TOLLIP: variants seen among roughly 807,000 people sequenced by gnomAD.
The protein encoded by TOLLIP is toll-interacting protein.
TOLLIP carries 16 observed loss-of-function variants against 33.5 expected under a neutral mutation model. The observed-to-expected ratio is 0.48, with a 90% CI of 0.32 to 0.72. The LOEUF is 0.72. Among genes scored for constraint, TOLLIP ranks in the 30% least tolerant of loss-of-function variants. The probability of loss-of-function intolerance (pLI) is 0.03; values close to 1 mark genes in which losing one functional copy is unlikely to be tolerated. For missense variants in TOLLIP, 325 were observed against 396.6 expected (o/e 0.82, Z 1.53); for synonymous variants, 176 against 163.7 (o/e 1.07, Z -0.57).
rs746707461 is a variant in TOLLIP at position 1,290,451 on chromosome 11, C to T, written c.184-42G>A. On this transcript the variant is annotated intron_variant, in intron 2 of 5. Coordinates refer to ENST00000317204, the MANE Select transcript of TOLLIP (RefSeq NM_019009.4). This position sits in a 1 kb window ranked among gnomAD's most constrained non-coding sequence, Gnocchi z 4.9. ...GTCAGGAAAAGGAGGTGCCAACCAT[C>T]AGGAGAGGGTGGGTTCTCTAGGCCG... 23 of 1,596,154 alleles carry T rather than the reference C, an allele frequency of 1.4e-5. No individual in the cohort carries two copies. The Middle Eastern group carries it at 5.0e-4, about 35-fold the overall frequency.
In TOLLIP at chr11:1,288,594, C is replaced by T. The variant is rs368114023; in HGVS notation, c.519+30G>A. The T allele has an allele frequency of 8.5e-4, 1,340 of 1,585,662 alleles. 2 individuals are homozygous for T. The highest frequency in any genetic ancestry group is 1.4e-3 in the Admixed American group (80 of 58,312). ...CGACGTGCTCCAACATACCCCAATG[C>T]GCCCCACCCCGCCCAGGCGTGCAGC... On this transcript the variant is annotated intron_variant, in intron 4 of 5. Coordinates refer to ENST00000317204, the MANE Select transcript of TOLLIP (RefSeq NM_019009.4).
At chr11:1,292,435 G>C (rs1015643403) in intron 2 of TOLLIP, among the ~76,000 whole-genome samples, 1 of 152,222 alleles carries the variant, frequency 6.6e-6, no homozygotes, top group Non-Finnish European at 1.5e-5. Context: ...GCCTGTCACC[G>C]ATGCCTGCTC....
intron 1 of TOLLIP, among the ~76,000 whole-genome samples, chr11:1,301,558 G>A (rs549430326): frequency 1.7e-3 from 252 of 152,196 alleles, no homozygotes; most frequent in African/African-American, 5.8e-3. Context: ...AGGCACACAC[G>A]GCCGCCAAAC....
intron 5 of TOLLIP, among the ~76,000 whole-genome samples, chr11:1,281,477 C>A (rs3793965): frequency 6.6e-6 from 1 of 151,972 alleles, no homozygotes; most frequent in Non-Finnish European, 1.5e-5. Context: ...TCAGACACCA[C>A]GGGAGGCTCT....
chr11:1,301,190 C>T (rs1864265508), intron 1 of TOLLIP, among the ~76,000 whole-genome samples: 1 of 152,232 alleles, frequency 6.6e-6, no homozygotes, highest in Non-Finnish European at 1.5e-5. Context: ...AAAAAATATC[C>T]TTAGTGAACT....
rs1863300305 is a variant in TOLLIP at position 1,276,283 on chromosome 11, G to A, written c.*756C>T. On this transcript the variant is annotated 3_prime_UTR_variant, in exon 6 of 6. Coordinates refer to ENST00000317204, the MANE Select transcript of TOLLIP (RefSeq NM_019009.4). Reference sequence around the variant, plus strand: ...GAGGACACCCACGGAGCTGGCACGAGCGCAGCAGGAGAGACGGACGGCAGC... The same window carrying A: ...GAGGACACCCACGGAGCTGGCACGAACGCAGCAGGAGAGACGGACGGCAGC... 1 of 202,322 alleles carries A rather than the reference G, an allele frequency of 4.9e-6. No individual in the cohort carries two copies. The highest frequency in any genetic ancestry group is 1.0e-5 in the Non-Finnish European group (1 of 98,254). The allele number at this position is 202,322 out of a possible 1,614,324, so 12.5% of individuals were successfully genotyped here. A position where few individuals can be genotyped will look rare whatever the true frequency, so the allele number is the denominator to read the frequency against.
chr11:1,291,973 T>C (rs1353720178), intron 2 of TOLLIP: 1 of 152,522 alleles, frequency 6.6e-6, no homozygotes, highest in Non-Finnish European at 1.5e-5. Context: ...CTTGTCCACA[T>C]ACAAGTTCCC....
intron 4 of TOLLIP, 128 bp from the exon 5 acceptor site, chr11:1,286,220 A>C: frequency 1.5e-6 from 1 of 688,918 alleles, no homozygotes; most frequent in Non-Finnish European, 2.5e-6. Context: ...GCCAGCCCAG[A>C]ATCACCCTCG....
At chr11:1,284,912 C>T (rs923537918) in intron 5 of TOLLIP, among the ~76,000 whole-genome samples, 1 of 152,172 alleles carries the variant, frequency 6.6e-6, no homozygotes, top group African/African-American at 2.4e-5. Context: ...GGTTTCAGGC[C>T]ACATCAGGTG....
intron 5 of TOLLIP, among the ~76,000 whole-genome samples, chr11:1,281,664 G>A (rs1480584428): frequency 1.3e-5 from 2 of 152,246 alleles, no homozygotes; most frequent in Non-Finnish European, 2.9e-5. Context: ...CGGCAGCCCC[G>A]TCTCACCAGA....
Position 1,274,677 on chromosome 11 carries a change from C to G in TOLLIP, c.*2362G>C, listed in dbSNP as rs1429461414. 6.6e-6 allele frequency: 1 copy of G among 152,234 alleles called. No homozygotes were observed. The highest frequency in any genetic ancestry group is 1.5e-5 in the Non-Finnish European group (1 of 68,058). The allele number at this position is 152,234 out of a possible 1,614,324, so 9.4% of individuals were successfully genotyped here. A position where few individuals can be genotyped will look rare whatever the true frequency, so the allele number is the denominator to read the frequency against. ...AGGCTGTCCTTAGTGACCGCTGCCA[C>G]GGAGCTGGCGATCGGCCTGCATCTT... is the stretch of plus-strand genomic sequence containing the variant. On this transcript the variant is annotated 3_prime_UTR_variant, in exon 6 of 6. Transcript: ENST00000317204.
rs1864347668 is a variant in TOLLIP, at chr11:1,303,667, C to A, written c.33+5799G>T. 6.6e-6 allele frequency among the ~76,000 whole-genome samples: 1 copy of A among 152,204 alleles called. No individual in the cohort carries two copies. The highest frequency in any genetic ancestry group is 2.1e-4 in the South Asian group (1 of 4,832). On this transcript the variant is annotated intron_variant, in intron 1 of 5. Transcript: ENST00000317204. The surrounding 1 kb of genome is among the most constrained non-coding windows in gnomAD (Gnocchi z 4.2). ...GGATCTGGAGACAGTGACTCAGGGA[C>A]AGGAAACACTTGCACAGCAGGCCTA...
At chr11:1,308,129 G>A (rs1270654243) in intron 1 of TOLLIP, among the ~76,000 whole-genome samples, 3 of 152,268 alleles carry the variant, frequency 2.0e-5, no homozygotes, top group African/African-American at 7.2e-5. Context: ...CCCAGCCTCA[G>A]TGAGTGACAC....
intron 2 of TOLLIP, among the ~76,000 whole-genome samples, chr11:1,295,034 CG>C (rs1864063205): frequency 7.9e-6 from 1 of 127,192 alleles, no homozygotes; most frequent in Admixed American, 8.3e-5. Flanking sequence ...TGCATTTCTA[CG>C]AAAGCCTGCG....
At chr11:1,283,102 G>A (rs1241516738) in intron 5 of TOLLIP, among the ~76,000 whole-genome samples, 1 of 152,354 alleles carries the variant, frequency 6.6e-6, no homozygotes, top group African/African-American at 2.4e-5. Context: ...AGAGCCCGCC[G>A]TGAGGGACGA....
At chr11:1,305,025 G>A (rs1864389471) in intron 1 of TOLLIP, among the ~76,000 whole-genome samples, 1 of 152,204 alleles carries the variant, frequency 6.6e-6, no homozygotes, top group African/African-American at 2.4e-5. Flanking sequence ...TAAAATCATA[G>A]AAGGAAAAAG....
Position 1,295,788 on chromosome 11 carries a change from T to C in TOLLIP, c.40A>G (p.Ile14Val). Residue 14 changes from isoleucine to valine, a missense_variant, in exon 2 of 6, where the codon ATC (isoleucine) becomes GTC (valine). By Grantham distance (29) the Ile-to-Val change is conservative. Transcript: ENST00000317204. Reference sequence around the variant, plus strand: ...AGGAAGTCCTGCGGGAGCTCACCGATGTACACCTGCGGGGCCGGGGACCAG... The same window carrying C: ...AGGAAGTCCTGCGGGAGCTCACCGACGTACACCTGCGGGGCCGGGGACCAG... ...TVSTQRGPVY[I>V]GELPQDFLRI... 3 of 1,568,504 alleles carry C rather than the reference T, an allele frequency of 1.9e-6. No individual in the cohort carries two copies. The highest frequency in any genetic ancestry group is 2.3e-5 in the South Asian group (2 of 86,552).
Position 1,288,684 on chromosome 11 carries a change from G to A in TOLLIP, c.459C>T (p.Ser153=). The A allele has an allele frequency of 1.2e-6, 2 of 1,612,940 alleles. No homozygotes were observed. Among genetic ancestry groups the A allele is most frequent in the Non-Finnish European group, 1.7e-6 (2 of 1,179,876 alleles). ...RQGKVEDKWY[S]LSGRQGDDKE... is the part of the protein sequence containing the mutation. ...TGTCGTCCCCCTGCCTCCCGCTCAG[G>A]CTGTACCACTTGTCCTCCACCTTGC... The change falls in exon 4 of 6, where the codon AGC becomes AGT. Residue 153 remains serine (S), a synonymous_variant. Transcript: ENST00000317204.
chr11:1,309,153 A>T (rs901199062), intron 1 of TOLLIP, among the ~76,000 whole-genome samples: 1 of 148,056 alleles, frequency 6.8e-6, no homozygotes, highest in Non-Finnish European at 1.5e-5. Context: ...CTGGGGCACC[A>T]TGGGGCACGG....
Sources: allele counts gnomAD v4.1 joint callset (sites outside exome capture counted in the v4.1 genomes callset), GRCh38; gene constraint gnomAD v4.1.1; non-coding constraint Gnocchi (gnomAD v3.1); transcripts MANE v1.5; gene names NCBI Gene and HGNC (gene_info 2026-07-23, HGNC 2026-07-21).